The following CLDN10 variants were observed in gnomAD, a reference collection of about 807,000 sequenced individuals.
CLDN10 encodes the protein claudin 10, also known as claudin-10.
In CLDN10, 15 loss-of-function variants were observed where a neutral mutation model predicts 22.9. The ratio of observed to expected loss-of-function variants is 0.65; its 90% CI spans 0.44 to 1.01. CLDN10 has a LOEUF of 1.01. Among genes scored for constraint, CLDN10 ranks in the 50% least tolerant of loss-of-function variants. The pLI is 0.00. For missense variants in CLDN10, 247 were observed against 287.8 expected, an observed-to-expected ratio of 0.86 and a Z score of 1.03; for synonymous variants, 114 against 111.4, an observed-to-expected ratio of 1.02 and a Z score of -0.15.
At chr13:95,520,722 C>A (rs2043216026) in intron 1 of CLDN10, among the ~76,000 whole-genome samples, 1 of 152,220 alleles carries the variant, frequency 6.6e-6, no homozygotes, top group African/African-American at 2.4e-5. Context: ...GTGGCTCACA[C>A]CTGTAATCCC....
At chr13:95,441,062 C>A (rs2042319966) in intron 1 of CLDN10, among the ~76,000 whole-genome samples, 1 of 152,212 alleles carries the variant, frequency 6.6e-6, no homozygotes, top group African/African-American at 2.4e-5. Flanking sequence ...GTACCTACTG[C>A]TGTGTCTGGC....
intron 1 of CLDN10, among the ~76,000 whole-genome samples, chr13:95,540,025 C>T (rs1329649394): frequency 2.0e-5 from 3 of 151,858 alleles, no homozygotes; most frequent in African/African-American, 7.3e-5. Flanking sequence ...CGTGGCCAGG[C>T]GCGGTGGCTC....
At chr13:95,445,303 G>T (rs1031122261) in intron 1 of CLDN10, among the ~76,000 whole-genome samples, 7 of 152,204 alleles carry the variant, frequency 4.6e-5, no homozygotes. Context: ...TGCAGACGTC[G>T]ATAACAAAAG....
intron 1 of CLDN10, among the ~76,000 whole-genome samples, chr13:95,501,433 C>G (rs997392395): frequency 2.6e-5 from 4 of 152,202 alleles, no homozygotes; most frequent in African/African-American, 9.7e-5. Context: ...CCTGCCTCAG[C>G]CTCCCAAGTA....
intron 3 of CLDN10, among the ~76,000 whole-genome samples, chr13:95,574,161 A>G (rs1393618689): frequency 6.6e-6 from 1 of 152,204 alleles, no homozygotes; most frequent in Non-Finnish European, 1.5e-5. Flanking sequence ...TGCTATTGTG[A>G]ATAGTGCCGC....
At chr13:95,494,329 G>C (rs1220141801) in intron 1 of CLDN10, among the ~76,000 whole-genome samples, 1 of 152,184 alleles carries the variant, frequency 6.6e-6, no homozygotes, top group African/African-American at 2.4e-5. Flanking sequence ...ATTTACACAA[G>C]AGGAAACATC....
chr13:95,454,176 A>T (rs2139081336), intron 1 of CLDN10, among the ~76,000 whole-genome samples: 1 of 152,172 alleles, frequency 6.6e-6, no homozygotes, highest in South Asian at 2.1e-4. Flanking sequence ...AAGGTGGCTC[A>T]CACCTGTAAT....
intron 1 of CLDN10, among the ~76,000 whole-genome samples, chr13:95,542,023 G>A (rs2043464951): frequency 6.6e-6 from 1 of 152,210 alleles, no homozygotes; most frequent in Admixed American, 6.5e-5. Flanking sequence ...GAGGCCTCAG[G>A]AAACTCACAA....
chr13:95,574,026 C>T (rs1322348463), intron 3 of CLDN10, among the ~76,000 whole-genome samples: 1 of 152,112 alleles, frequency 6.6e-6, no homozygotes, highest in African/African-American at 2.4e-5. Context: ...CAGCTTCATC[C>T]ATATCCCTGC....
intron 1 of CLDN10, among the ~76,000 whole-genome samples, chr13:95,515,827 G>A (rs1358136700): frequency 6.6e-6 from 1 of 152,024 alleles, no homozygotes. Context: ...CTGCCTACTT[G>A]GCTCCAAACT....
intron 1 of CLDN10, among the ~76,000 whole-genome samples, chr13:95,436,614 C>A (rs573388992): frequency 6.6e-6 from 1 of 152,162 alleles, no homozygotes; most frequent in Non-Finnish European, 1.5e-5. Context: ...AGAACAAGTA[C>A]AATTAAATTA....
intron 1 of CLDN10, among the ~76,000 whole-genome samples, chr13:95,553,616 A>C (rs1191058342): frequency 3.3e-5 from 5 of 152,230 alleles, no homozygotes; most frequent in Non-Finnish European, 7.3e-5. Flanking sequence ...TAGGAAAATA[A>C]TAGCCCTTGC....
At chr13:95,509,806 C>G (rs565170551) in intron 1 of CLDN10, among the ~76,000 whole-genome samples, 1 of 152,080 alleles carries the variant, frequency 6.6e-6, no homozygotes, top group African/African-American at 2.4e-5. Context: ...TCTCTACCTC[C>G]GACTCCTTAC....
upstream of CLDN10, among the ~76,000 whole-genome samples, chr13:95,552,396 G>T (rs931876935): frequency 2.6e-5 from 4 of 152,182 alleles, no homozygotes; most frequent in South Asian, 2.1e-4. Flanking sequence ...AGGTGGGGGC[G>T]CAGCAGGTTG....
intron 1 of CLDN10, among the ~76,000 whole-genome samples, chr13:95,492,478 C>G (rs1242753368): frequency 6.6e-6 from 1 of 152,098 alleles, no homozygotes; most frequent in East Asian, 1.9e-4. Context: ...TCACCCAGCT[C>G]CCACAGAAAC....
At chr13:95,485,566 A>C (rs143926268) in intron 1 of CLDN10, among the ~76,000 whole-genome samples, 2,525 of 152,156 alleles carry the variant, frequency 0.017, 20 homozygotes, top group Middle Eastern at 0.031. Context: ...GCCCGGGCCC[A>C]CTCCAGATTC....
intron 1 of CLDN10, among the ~76,000 whole-genome samples, chr13:95,495,363 A>G (rs188467207): frequency 3.3e-5 from 5 of 151,936 alleles, no homozygotes; most frequent in African/African-American, 7.2e-5. Flanking sequence ...GCAAATATTT[A>G]TTGGGTATTA....
At chr13:95,575,590 C>CGTGTGTGTGTGTGTGTGT (rs112441621) in intron 3 of CLDN10, among the ~76,000 whole-genome samples, 35,911 of 151,604 alleles carry the variant, frequency 0.24, 5,007 homozygotes, top group East Asian at 0.33. Flanking sequence ...CTGCTCAGTT[C>CGTGTGTGTGTGTGTGTGT]GTGTGTGTGT....
chr13:95,532,027 C>T (rs2043348657), intron 1 of CLDN10, among the ~76,000 whole-genome samples: 1 of 151,794 alleles, frequency 6.6e-6, no homozygotes, highest in South Asian at 2.1e-4. Context: ...GGATCATAGG[C>T]CACATAAAAA....
Sources: allele counts gnomAD v4.1 joint callset (sites outside exome capture counted in the v4.1 genomes callset), GRCh38; gene constraint gnomAD v4.1.1; transcripts MANE v1.5; gene names NCBI Gene and HGNC (gene_info 2026-07-23, HGNC 2026-07-21).